The following SLC24A3 variants were observed in gnomAD, a reference collection of about 807,000 sequenced individuals.
The protein encoded by SLC24A3 is solute carrier family 24 member 3.
A neutral mutation model predicts 75.8 loss-of-function variants in SLC24A3; 28 were observed. The ratio of observed to expected loss-of-function variants is 0.37; its 90% CI spans 0.27 to 0.51. The LOEUF (loss-of-function observed/expected upper bound fraction) is 0.51. Among genes scored for constraint, SLC24A3 ranks in the 20% least tolerant of loss-of-function variants. The pLI is 0.94. For synonymous variants in SLC24A3, 372 were observed against 334.1 expected (o/e 1.11, Z -1.24); for missense variants, 663 against 847.8 (o/e 0.78, Z 2.71).
intron 2 of SLC24A3, among the ~76,000 whole-genome samples, chr20:19,312,287 T>C (rs1984475759): frequency 6.6e-6 from 1 of 151,992 alleles, no homozygotes; most frequent in Non-Finnish European, 1.5e-5. Flanking sequence ...CATCGGTGGG[T>C]AGCCCAAGGC....
chr20:19,494,013 C>T (rs1290725694), intron 2 of SLC24A3, among the ~76,000 whole-genome samples: 2 of 152,222 alleles, frequency 1.3e-5, no homozygotes, highest in Admixed American at 6.5e-5. Context: ...AGCTCATGCT[C>T]CTTCCGGGCG....
intron 15 of SLC24A3, among the ~76,000 whole-genome samples, chr20:19,717,273 G>T (rs1455028594): frequency 6.6e-6 from 1 of 152,194 alleles, no homozygotes; most frequent in African/African-American, 2.4e-5. Flanking sequence ...CTCCAGCCAG[G>T]GGCCTGCTAT....
intron 2 of SLC24A3, among the ~76,000 whole-genome samples, chr20:19,380,648 G>T (rs1359632880): frequency 6.6e-6 from 1 of 152,118 alleles, no homozygotes; most frequent in Non-Finnish European, 1.5e-5. Flanking sequence ...AAAAGCACTG[G>T]TCCTGGGGTA....
At chr20:19,470,669 G>A (rs897669820) in intron 2 of SLC24A3, among the ~76,000 whole-genome samples, 5 of 152,262 alleles carry the variant, frequency 3.3e-5, no homozygotes, top group African/African-American at 1.2e-4. Context: ...CAAAATGCCA[G>A]AAATTAGACG....
chr20:19,316,459 G>A (rs960573146), intron 2 of SLC24A3, among the ~76,000 whole-genome samples: 3 of 152,260 alleles, frequency 2.0e-5, no homozygotes, highest in African/African-American at 4.8e-5. Flanking sequence ...GAGCAAGTAC[G>A]ATGGTCCCTT....
chr20:19,402,209 A>G (rs1986564491), intron 2 of SLC24A3, among the ~76,000 whole-genome samples: 1 of 152,234 alleles, frequency 6.6e-6, no homozygotes, highest in South Asian at 2.1e-4. Context: ...GGAGGAAATG[A>G]TCACAAAATA....
intron 2 of SLC24A3, among the ~76,000 whole-genome samples, chr20:19,439,709 G>A (rs114536134): frequency 2.1e-3 from 325 of 152,278 alleles, no homozygotes; most frequent in African/African-American, 6.8e-3. Context: ...TATAAAGTCA[G>A]AACAACTGAT....
intron 3 of SLC24A3, among the ~76,000 whole-genome samples, chr20:19,517,809 G>A (rs1274207444): frequency 6.6e-6 from 1 of 152,186 alleles, no homozygotes; most frequent in Non-Finnish European, 1.5e-5. Flanking sequence ...CCCAAGTGGG[G>A]CAAGCTTCAA....
intron 1 of SLC24A3, among the ~76,000 whole-genome samples, chr20:19,272,550 G>A (rs1292613726): frequency 6.6e-6 from 1 of 152,232 alleles, no homozygotes; most frequent in African/African-American, 2.4e-5. Context: ...ACCACACTTT[G>A]AGAAGCAAGG....
chr20:19,605,587 A>G (rs1192603136), intron 6 of SLC24A3, among the ~76,000 whole-genome samples: 1 of 152,144 alleles, frequency 6.6e-6, no homozygotes, highest in African/African-American at 2.4e-5. Context: ...ATGTTTGTTC[A>G]TTCAGAGCTG....
At chr20:19,612,915 A>C (rs1226262535) in intron 6 of SLC24A3, among the ~76,000 whole-genome samples, 1 of 152,090 alleles carries the variant, frequency 6.6e-6, no homozygotes, top group African/African-American at 2.4e-5. Context: ...AGACTTCCTC[A>C]CCTACAGTCC....
intron 6 of SLC24A3, among the ~76,000 whole-genome samples, chr20:19,616,848 C>T (rs1220743613): frequency 1.3e-5 from 2 of 152,112 alleles, no homozygotes; most frequent in Non-Finnish European, 2.9e-5. Flanking sequence ...TGAGAACCCC[C>T]TTTAGGGCCT....
At chr20:19,273,287 G>T (rs1256483401) in intron 1 of SLC24A3, among the ~76,000 whole-genome samples, 5 of 152,208 alleles carry the variant, frequency 3.3e-5, no homozygotes, top group Non-Finnish European at 7.3e-5. Context: ...AAAGAGCCAG[G>T]CCTCTCTTTG....
At chr20:19,524,817 A>G (rs151018195) in intron 3 of SLC24A3, among the ~76,000 whole-genome samples, 26 of 152,342 alleles carry the variant, frequency 1.7e-4, no homozygotes, top group African/African-American at 6.0e-4. Context: ...TCTGAAAAGC[A>G]TAAGAACAAA....
intron 6 of SLC24A3, among the ~76,000 whole-genome samples, chr20:19,615,473 C>T (rs987871172): frequency 3.3e-5 from 5 of 152,040 alleles, no homozygotes; most frequent in Admixed American, 6.5e-5. Flanking sequence ...ACAATGGTGA[C>T]GGAAGGTGAA....
chr20:19,589,327 C>T (rs530795016), intron 6 of SLC24A3, among the ~76,000 whole-genome samples: 7 of 152,306 alleles, frequency 4.6e-5, no homozygotes, highest in South Asian at 2.1e-4. Flanking sequence ...TGTAAGGAGG[C>T]GGGGGAGCTA....
intron 2 of SLC24A3, among the ~76,000 whole-genome samples, chr20:19,470,438 G>A (rs961299064): frequency 7.9e-5 from 12 of 152,162 alleles, no homozygotes; most frequent in Admixed American, 6.5e-4. Flanking sequence ...AGAATCAACA[G>A]AGTGTTCTTC....
chr20:19,629,280 G>T (rs1215151942), intron 6 of SLC24A3, among the ~76,000 whole-genome samples: 1 of 151,958 alleles, frequency 6.6e-6, no homozygotes, highest in East Asian at 1.9e-4. Flanking sequence ...TCACCAGAAG[G>T]GATCAACAGT....
Position 19,395,456 on chromosome 20 carries a change from A to G in SLC24A3, c.271+114369A>G, listed in dbSNP as rs553718032. ...TCTAGTTTGTAGATTTTTCTTTCCT[A>G]GGTGTATGTGTTTGCAAATGTGTGT... is the stretch of plus-strand genomic sequence containing the variant. On this transcript the variant is annotated intron_variant, in intron 2 of 16. Coordinates refer to ENST00000328041, the MANE Select transcript of SLC24A3 (RefSeq NM_020689.4). Among the ~76,000 whole-genome samples the G allele has an allele frequency of 8.4e-4, 128 of 152,294 alleles. 1 individual carries two copies. Among genetic ancestry groups the G allele is most frequent in the African/African-American group, 3.0e-3 (123 of 41,578 alleles).
Sources: gnomAD v4.1 joint callset for allele counts (sites outside exome capture counted in the v4.1 genomes callset) on GRCh38, gnomAD v4.1.1 for gene constraint, MANE v1.5 for transcripts, NCBI Gene and HGNC (gene_info 2026-07-23, HGNC 2026-07-21) for gene names.